The following SLC22A15 variants were observed in gnomAD, a reference collection of about 807,000 sequenced individuals.
The protein encoded by SLC22A15 is solute carrier family 22 member 15.
In SLC22A15, 45 loss-of-function variants were observed where a neutral mutation model predicts 62.7. The ratio of observed to expected loss-of-function variants is 0.72; its 90% CI spans 0.56 to 0.92. The LOEUF (loss-of-function observed/expected upper bound fraction) is 0.92. SLC22A15 is among the 40% of genes least tolerant of loss of function. The pLI, the probability that SLC22A15 is intolerant of heterozygous loss-of-function variation, is 0.00. For missense variants in SLC22A15, 622 were observed against 665.6 expected (o/e 0.93, Z 0.72); for synonymous variants, 264 against 267.0 (o/e 0.99, Z 0.11).
chr1:116,024,971 A>G (rs533230542), intron 4 of SLC22A15, among the ~76,000 whole-genome samples: 1 of 152,226 alleles, frequency 6.6e-6, no homozygotes, highest in South Asian at 2.1e-4. Context: ...ATATTCTGTG[A>G]TAGATTCAAC....
At chr1:116,057,998 G>A (rs1466908444) in intron 8 of SLC22A15, among the ~76,000 whole-genome samples, 1 of 151,448 alleles carries the variant, frequency 6.6e-6, no homozygotes, top group Non-Finnish European at 1.5e-5. Flanking sequence ...CATGGCACAT[G>A]TATACATATG....
chr1:116,013,509 A>G (rs1656378580), intron 2 of SLC22A15, among the ~76,000 whole-genome samples: 1 of 152,144 alleles, frequency 6.6e-6, no homozygotes, highest in Non-Finnish European at 1.5e-5. Flanking sequence ...GTATTACGTG[A>G]AAGTTCGTTG....
intron 2 of SLC22A15, among the ~76,000 whole-genome samples, chr1:115,997,012 A>G (rs1215892637): frequency 3.3e-5 from 5 of 152,116 alleles, no homozygotes; most frequent in African/African-American, 1.2e-4. Context: ...TGTGCTGAAT[A>G]AAATGGTAAG....
At chr1:116,064,643 A>G (rs1658456226) in intron 10 of SLC22A15, 135 bp downstream of exon 10, 3 of 669,632 alleles carry the variant, frequency 4.5e-6, no homozygotes, top group Non-Finnish European at 8.0e-6. Context: ...GCCCTTTTAG[A>G]TAGTATTCCG....
rs776222039 is a variant in SLC22A15, at chr1:116,066,628, A to G, written c.1474A>G (p.Thr492Ala). 8 of 1,611,818 alleles carry G rather than the reference A, an allele frequency of 5.0e-6. No individual in the cohort carries two copies. The highest frequency in any genetic ancestry group is 6.8e-6 in the Non-Finnish European group (8 of 1,179,154). The change falls in exon 11 of 12, where the codon ACA (threonine) becomes GCA (alanine). Residue 492 changes from threonine to alanine, a missense_variant. Physicochemically the swap from Thr to Ala is moderately conservative, Grantham distance 58. Coordinates refer to ENST00000369503, the MANE Select transcript of SLC22A15 (RefSeq NM_018420.3). ...GACCCTTAACAGTCCGCTGCTAGAA[A>G]CATTCTCCGACCTTCAGGTGTATTC... is the stretch of plus-strand genomic sequence containing the variant. ...PETLNSPLLE[T>A]FSDLQVYSYR...
Position 116,019,789 on chromosome 1 carries a change from A to G in SLC22A15, c.433+75A>G. On this transcript the variant is annotated intron_variant, in intron 3 of 11. Coordinates refer to ENST00000369503, the MANE Select transcript of SLC22A15 (RefSeq NM_018420.3). Reference sequence around the variant, plus strand: ...AGATTCTTAGGGAAATAATAAGGGGACTATTTCCTTAAGGTTCTCCGGGAA... The same window carrying G: ...AGATTCTTAGGGAAATAATAAGGGGGCTATTTCCTTAAGGTTCTCCGGGAA... The G allele has an allele frequency of 6.8e-6, 10 of 1,469,954 alleles. No homozygotes were observed. The South Asian group carries it at 1.3e-4, about 19-fold the overall frequency. The allele number at this position is 1,469,954 out of a possible 1,614,324, so 91.1% of individuals were successfully genotyped here. A position where few individuals can be genotyped will look rare whatever the true frequency, so the allele number is the denominator to read the frequency against.
At chr1:116,032,323 A>G (rs376710590) in intron 6 of SLC22A15, 5 of 985,410 alleles carry the variant, frequency 5.1e-6, no homozygotes, top group Non-Finnish European at 3.6e-6. Flanking sequence ...TGGATTGCAC[A>G]TGTGTTTTGA....
intron 2 of SLC22A15, among the ~76,000 whole-genome samples, chr1:115,998,354 G>C (rs1224649762): frequency 3.3e-5 from 5 of 152,064 alleles, no homozygotes; most frequent in African/African-American, 1.2e-4. Flanking sequence ...AGTACTTTGA[G>C]TAGGATTGGT....
At chr1:115,993,441 G>GTA (rs1490141284) in intron 2 of SLC22A15, among the ~76,000 whole-genome samples, 1 of 149,538 alleles carries the variant, frequency 6.7e-6, no homozygotes, top group African/African-American at 2.5e-5. Context: ...GTGTGTGTGT[G>GTA]TGTGTGTGTG....
At chr1:115,995,267 G>A (rs769661902) in intron 2 of SLC22A15, among the ~76,000 whole-genome samples, 31 of 151,908 alleles carry the variant, frequency 2.0e-4, no homozygotes, top group Non-Finnish European at 4.6e-4. Context: ...CTTTCATTTC[G>A]AGGAATAGAA....
chr1:116,006,297 C>G (rs1275592083), intron 2 of SLC22A15, among the ~76,000 whole-genome samples: 1 of 152,080 alleles, frequency 6.6e-6, no homozygotes, highest in Non-Finnish European at 1.5e-5. Context: ...ACCCTGGTCC[C>G]CACTGTATCT....
At chr1:116,056,378 A>G (rs1658208079) in intron 8 of SLC22A15, among the ~76,000 whole-genome samples, 1 of 146,774 alleles carries the variant, frequency 6.8e-6, no homozygotes, top group African/African-American at 2.5e-5. Flanking sequence ...AAGGAGAACT[A>G]CAAACCACTG....
intron 8 of SLC22A15, 141 bp from the exon 9 acceptor site, chr1:116,062,618 CCTT>C (rs1474026222): frequency 1.1e-6 from 1 of 898,012 alleles, no homozygotes; most frequent in African/African-American, 1.7e-5. Flanking sequence ...GATTACTAAA[CCTT>C]CTGAATGTGT....
chr1:116,010,753 G>A (rs1656207896), intron 2 of SLC22A15, among the ~76,000 whole-genome samples: 1 of 152,138 alleles, frequency 6.6e-6, no homozygotes, highest in African/African-American at 2.4e-5. Flanking sequence ...ATTGCGTAGA[G>A]CCCTCATGGA....
chr1:116,040,052 A>G (rs530540799), intron 8 of SLC22A15, among the ~76,000 whole-genome samples: 1 of 152,234 alleles, frequency 6.6e-6, no homozygotes, highest in South Asian at 2.1e-4. Context: ...CTTTCTGCCA[A>G]CTCAGGTGAC....
rs1324297358 is a variant in SLC22A15, at chr1:116,070,028, G to C, written c.*2920G>C. On this transcript the variant is annotated 3_prime_UTR_variant, in exon 12 of 12. Transcript: ENST00000369503. ...AAATGCAGATATTTTGGCTTCTTGT[G>C]AATGTAATAAAGAATCATAAAACAT... is the stretch of plus-strand genomic sequence containing the variant. 3 of 152,114 alleles carry C rather than the reference G, an allele frequency of 2.0e-5. No homozygotes were observed. Among genetic ancestry groups the C allele is most frequent in the African/African-American group, 7.2e-5 (3 of 41,416 alleles). 9.4% of individuals were successfully genotyped at this position (152,114 alleles called of 1,614,324 possible).
intron 1 of SLC22A15, among the ~76,000 whole-genome samples, chr1:115,979,689 T>C (rs1385879299): frequency 6.6e-6 from 1 of 152,190 alleles, no homozygotes; most frequent in East Asian, 1.9e-4. Flanking sequence ...TGTTTGCTTG[T>C]TGTCTAGGCT....
intron 8 of SLC22A15, among the ~76,000 whole-genome samples, chr1:116,051,632 C>T (rs543370257): frequency 6.6e-6 from 1 of 152,254 alleles, no homozygotes; most frequent in Admixed American, 6.5e-5. Context: ...CTTGGAAAAA[C>T]CCTTCTAGAT....
chr1:116,041,230 T>G (rs1230267423), intron 8 of SLC22A15, among the ~76,000 whole-genome samples: 1 of 152,218 alleles, frequency 6.6e-6, no homozygotes, highest in Non-Finnish European at 1.5e-5. Flanking sequence ...GCACATTTCT[T>G]TATTTGACTT....
Sources: gnomAD v4.1 joint callset for allele counts (sites outside exome capture counted in the v4.1 genomes callset) on GRCh38, gnomAD v4.1.1 for gene constraint, MANE v1.5 for transcripts, NCBI Gene and HGNC (gene_info 2026-07-23, HGNC 2026-07-21) for gene names.